Variants in CSMD3 observed in about 807,000 individuals in gnomAD.
CSMD3 encodes CUB and Sushi multiple domains 3.
In CSMD3, 177 loss-of-function variants were observed where a neutral mutation model predicts 435.2. That is an observed-to-expected ratio of 0.41 (90% CI 0.36 to 0.46). CSMD3 has a LOEUF of 0.46. Among genes scored for constraint, CSMD3 ranks in the 20% least tolerant of loss-of-function variants. The probability of loss-of-function intolerance (pLI) is 0.34; values close to 1 mark genes in which losing one functional copy is unlikely to be tolerated. For synonymous variants in CSMD3, 1,656 were observed against 1,520.5 expected (o/e 1.09, Z -2.07); for missense variants, 4,265 against 4,504.6 (o/e 0.95, Z 1.52).
intron 16 of CSMD3, among the ~76,000 whole-genome samples, chr8:112,668,620 C>T (rs2075582359): frequency 6.6e-6 from 1 of 152,046 alleles, no homozygotes; most frequent in Admixed American, 6.6e-5. Flanking sequence ...CCTAAAATGA[C>T]TCTCTGGTAT....
In CSMD3 at chr8:112,318,889, C is replaced by A; in HGVS notation, c.7308G>T (p.Thr2436=). 6.2e-7 allele frequency: 1 copy of A among 1,612,608 alleles called. No individual in the cohort carries two copies. The highest frequency in any genetic ancestry group is 8.5e-7 in the Non-Finnish European group (1 of 1,179,412). ...GFTLVGNAIL[T]CRLGERLQMD... is the part of the protein sequence containing the mutation. The stretch of plus-strand genomic sequence containing the variant: ...TCTGCAGTCGTTCTCCTAATCTGCA[C>A]GTCAGAATTGCATTACCAACTAAAG... The change falls in exon 47 of 71, where the codon ACG becomes ACT. Residue 2436 remains threonine, a synonymous_variant. Coordinates refer to ENST00000297405, the MANE Select transcript of CSMD3 (RefSeq NM_198123.2).
intron 27 of CSMD3, among the ~76,000 whole-genome samples, chr8:112,522,976 C>A (rs1483911231): frequency 6.6e-6 from 1 of 151,852 alleles, no homozygotes; most frequent in Non-Finnish European, 1.5e-5. Context: ...AGTTGAATTA[C>A]CATTGTGGTG....
At chr8:112,284,033 T>TA (rs759323737) in intron 58 of CSMD3, among the ~76,000 whole-genome samples, 33 of 151,766 alleles carry the variant, frequency 2.2e-4, no homozygotes, top group Admixed American at 7.2e-4. Flanking sequence ...TATGTATCAA[T>TA]AAAAAATACC....
intron 3 of CSMD3, among the ~76,000 whole-genome samples, chr8:113,247,860 C>T (rs1379207447): frequency 6.6e-6 from 1 of 152,006 alleles, no homozygotes; most frequent in African/African-American, 2.4e-5. Context: ...TTAATGATCA[C>T]TGATGTAACT....
chr8:112,514,353 G>T (rs1823456150), intron 28 of CSMD3, among the ~76,000 whole-genome samples: 1 of 152,142 alleles, frequency 6.6e-6, no homozygotes, highest in Non-Finnish European at 1.5e-5. Flanking sequence ...ATAGCATTTA[G>T]AAATGCATCT....
intron 1 of CSMD3, among the ~76,000 whole-genome samples, chr8:113,384,932 A>C (rs1325263550): frequency 6.6e-6 from 1 of 152,090 alleles, no homozygotes; most frequent in East Asian, 1.9e-4. Flanking sequence ...TAGTCCCTAA[A>C]ATCAAAATAG....
intron 4 of CSMD3, among the ~76,000 whole-genome samples, chr8:113,146,666 A>G (rs1052990510): frequency 6.6e-6 from 1 of 151,658 alleles, no homozygotes; most frequent in Admixed American, 6.6e-5. Context: ...TGGGTAAATA[A>G]TAAATGTGGC....
At chr8:113,397,349 G>T (rs1287759408) in intron 1 of CSMD3, among the ~76,000 whole-genome samples, 1 of 151,692 alleles carries the variant, frequency 6.6e-6, no homozygotes, top group Non-Finnish European at 1.5e-5. Context: ...TTTTCCTATT[G>T]AGCTGTTGGT....
rs1416247001 is a variant in CSMD3 at position 112,319,902 on chromosome 8, T to C, written c.7245A>G (p.Ile2415Met). ...TTGAAAATAATTTAACAGCTTTACC[T>C]ATTTCAAATTCATCATCTTCCGTCA... is the stretch of plus-strand genomic sequence containing the variant. ...EILTEDDEFE[I>M]GDIIRYQCLP... Residue 2415 changes from isoleucine to methionine, a missense_variant and splice_region_variant, in exon 46 of 71, where the codon ATA becomes ATG. Physicochemically the swap from Ile to Met is conservative, Grantham distance 10. Coordinates refer to ENST00000297405, the MANE Select transcript of CSMD3 (RefSeq NM_198123.2). 1 of 1,603,766 alleles carries C rather than the reference T, an allele frequency of 6.2e-7. No homozygotes were observed. Among genetic ancestry groups the C allele is most frequent in the Admixed American group, 1.7e-5 (1 of 59,884 alleles).
rs182903758 is a variant in CSMD3 at position 112,287,323 on chromosome 8, T to C, written c.9149-77A>G. 4.2e-6 allele frequency: 6 copies of C among 1,431,276 alleles called. No individual in the cohort carries two copies. The African/African-American group carries it at 8.4e-5, about 20-fold the overall frequency. The allele number at this position is 1,431,276 out of a possible 1,614,324, so 88.7% of individuals were successfully genotyped here. A position where few individuals can be genotyped will look rare whatever the true frequency, so the allele number is the denominator to read the frequency against. ...TTTACCAGTTAGTCCAAGGGCCTGG[T>C]AGGCATTTGTTTTTGTGCATGCGGT... On this transcript the variant is annotated intron_variant, in intron 57 of 70. Transcript: ENST00000297405.
At position 112,607,990 on chromosome 8, in the gene CSMD3, G is replaced by A. The variant is rs549231679; in HGVS notation, c.3716-20755C>T. On this transcript the variant is annotated intron_variant, in intron 22 of 70. Coordinates refer to ENST00000297405, the MANE Select transcript of CSMD3 (RefSeq NM_198123.2). ...AAAGAAAAAGAAACCAAAACCATCC[G>A]AAACATAAAAGAAGAAGGCAATTGT... Among the ~76,000 whole-genome samples, 8 of 152,070 alleles carry A rather than the reference G, an allele frequency of 5.3e-5. 1 individual carries two copies. In the South Asian group the frequency reaches 8.3e-4, roughly 16 times the overall value.
intron 1 of CSMD3, among the ~76,000 whole-genome samples, chr8:113,334,747 T>C (rs529307957): frequency 2.8e-4 from 42 of 152,264 alleles, no homozygotes; most frequent in Admixed American, 1.6e-3. Flanking sequence ...TTAATAGTTA[T>C]AGGGCTATTT....
chr8:112,823,905 A>G (rs1190285526), intron 12 of CSMD3, among the ~76,000 whole-genome samples: 2 of 152,072 alleles, frequency 1.3e-5, no homozygotes, highest in African/African-American at 2.4e-5. Context: ...TGATATATCT[A>G]ATATTGACAG....
intron 9 of CSMD3, among the ~76,000 whole-genome samples, chr8:112,923,025 T>C (rs1429253316): frequency 6.6e-6 from 1 of 152,142 alleles, no homozygotes; most frequent in Non-Finnish European, 1.5e-5. Context: ...TCTTTCTGTC[T>C]TGCATTTCAC....
At chr8:112,394,896 C>T (rs898128622) in intron 35 of CSMD3, among the ~76,000 whole-genome samples, 2 of 152,152 alleles carry the variant, frequency 1.3e-5, no homozygotes, top group East Asian at 3.9e-4. Context: ...ATGCAGTAAG[C>T]ACTCAATAAA....
At chr8:112,936,614 C>T (rs1036585917) in intron 9 of CSMD3, among the ~76,000 whole-genome samples, 1 of 151,990 alleles carries the variant, frequency 6.6e-6, no homozygotes, top group Non-Finnish European at 1.5e-5. Flanking sequence ...CAAAAACACC[C>T]TTGTAATTAA....
intron 56 of CSMD3, among the ~76,000 whole-genome samples, chr8:112,291,104 G>A (rs1246777146): frequency 1.3e-5 from 2 of 151,892 alleles, no homozygotes; most frequent in African/African-American, 4.8e-5. Context: ...TAAGTTTTAA[G>A]TCACACCTTT....
intron 35 of CSMD3, among the ~76,000 whole-genome samples, chr8:112,392,301 C>A: frequency 1.0e-5 from 1 of 96,376 alleles, no homozygotes; most frequent in Admixed American, 1.2e-4. Context: ...ACGCAAAAAC[C>A]AGGGCAATTA....
intron 5 of CSMD3, among the ~76,000 whole-genome samples, chr8:113,045,689 C>G (rs545293304): frequency 6.7e-6 from 1 of 149,702 alleles, no homozygotes; most frequent in South Asian, 2.1e-4. Context: ...TCAGACAGCA[C>G]ACACCTCTGC....
Sources: gnomAD v4.1 joint callset for allele counts (sites outside exome capture counted in the v4.1 genomes callset) on GRCh38, gnomAD v4.1.1 for gene constraint, MANE v1.5 for transcripts, NCBI Gene and HGNC (gene_info 2026-07-23, HGNC 2026-07-21) for gene names.